Variants in DGKH observed in about 807,000 individuals in gnomAD.
DGKH encodes the protein diacylglycerol kinase eta.
A neutral mutation model predicts 159.3 loss-of-function variants in DGKH; 90 were observed. That is an observed-to-expected ratio of 0.57 (90% CI 0.48 to 0.67). The LOEUF (loss-of-function observed/expected upper bound fraction) is 0.67. Among genes scored for constraint, DGKH ranks in the 30% least tolerant of loss-of-function variants. DGKH has a pLI of 0.00. For missense variants in DGKH, 1,181 were observed against 1,506.1 expected, an observed-to-expected ratio of 0.78 and a Z score of 3.57; for synonymous variants, 536 against 553.8, an observed-to-expected ratio of 0.97 and a Z score of 0.45.
chr13:42,244,767 A>G (rs759440773), downstream of DGKH, among the ~76,000 whole-genome samples: 57 of 150,384 alleles, frequency 3.8e-4, no homozygotes, highest in South Asian at 6.3e-4. Flanking sequence ...AGCCGGGCGT[A>G]GTGGCGGGCG....
At position 42,138,560 on chromosome 13, in the gene DGKH, T is replaced by C. The variant is rs142978740; in HGVS notation, c.384+8928T>C. On this transcript the variant is annotated intron_variant, in intron 3 of 29. Coordinates refer to ENST00000337343, the MANE Select transcript of DGKH (RefSeq NM_178009.5). ...AGTGACATTTGTAAACTGTAGTGGG[T>C]TTTTTTGGACAAAAAGTATTAGGTC... is the stretch of plus-strand genomic sequence containing the variant. 1.5e-3 allele frequency among the ~76,000 whole-genome samples: 225 copies of C among 152,276 alleles called. 1 individual carries two copies. Among genetic ancestry groups the C allele is most frequent in the African/African-American group, 5.1e-3 (213 of 41,560 alleles).
chr13:42,184,903 A>G (rs933453785), intron 13 of DGKH, among the ~76,000 whole-genome samples: 22 of 151,834 alleles, frequency 1.4e-4, no homozygotes, highest in Non-Finnish European at 2.8e-4. Context: ...AAAAAGTTCT[A>G]ACATTGATTA....
At chr13:42,050,159 C>A (rs952363451) in intron 1 of DGKH, among the ~76,000 whole-genome samples, 4 of 152,010 alleles carry the variant, frequency 2.6e-5, no homozygotes, top group African/African-American at 9.7e-5. Flanking sequence ...TCACTTGAGG[C>A]CAGGAGTTCC....
intron 7 of DGKH, 30 bp from the exon 8 acceptor site, chr13:42,165,301 A>G: frequency 8.3e-7 from 1 of 1,208,962 alleles, no homozygotes; most frequent in Non-Finnish European, 1.2e-6. Flanking sequence ...TATTTTTATG[A>G]TTCTTGAAGG....
chr13:42,108,902 G>T (rs897961021), intron 1 of DGKH, among the ~76,000 whole-genome samples: 1 of 152,196 alleles, frequency 6.6e-6, no homozygotes, highest in African/African-American at 2.4e-5. Context: ...TTTTAAAGCG[G>T]TTTTGTCATA....
At position 42,219,610 on chromosome 13, in the gene DGKH, GT is replaced by G. The variant is rs367783504; in HGVS notation, c.3334-74del. The G allele has an allele frequency of 1.6e-3, 2,217 of 1,383,220 alleles. 20 individuals are homozygous for G. The Middle Eastern group carries it at 0.03, about 19-fold the overall frequency. The allele number at this position is 1,383,220 out of a possible 1,614,324, so 85.7% of individuals were successfully genotyped here. A position where few individuals can be genotyped will look rare whatever the true frequency, so the allele number is the denominator to read the frequency against. ...TTTAGTGTTTATAACTTATTCCTGT[GT>G]TATCCCTATTATCAGAGTAGGTTTT... On this transcript the variant is annotated intron_variant, in intron 27 of 29. Transcript: ENST00000337343.
chr13:42,145,331 T>C (rs1955698061), intron 3 of DGKH, among the ~76,000 whole-genome samples: 1 of 152,208 alleles, frequency 6.6e-6, no homozygotes, highest in South Asian at 2.1e-4. Context: ...GGTTGAGTGT[T>C]ATCTAGTTGG....
intron 1 of DGKH, among the ~76,000 whole-genome samples, chr13:42,057,673 A>T (rs1881864493): frequency 6.6e-6 from 1 of 152,172 alleles, no homozygotes; most frequent in Non-Finnish European, 1.5e-5. Flanking sequence ...GTACTGCTGT[A>T]GGTACCAGGG....
At chr13:42,061,205 G>A (rs1339400222) in intron 1 of DGKH, among the ~76,000 whole-genome samples, 1 of 152,126 alleles carries the variant, frequency 6.6e-6, no homozygotes, top group Non-Finnish European at 1.5e-5. Context: ...GTGGAAGGCT[G>A]GTTGCCCCAC....
chr13:42,041,053 C>A (rs890884531), intron 1 of DGKH, among the ~76,000 whole-genome samples: 2 of 151,946 alleles, frequency 1.3e-5, no homozygotes, highest in Non-Finnish European at 2.9e-5. Flanking sequence ...TGCTTCCCAG[C>A]CGGGTTAGCG....
intron 3 of DGKH, among the ~76,000 whole-genome samples, chr13:42,132,024 G>T (rs1263708315): frequency 6.6e-6 from 1 of 152,186 alleles, no homozygotes; most frequent in Non-Finnish European, 1.5e-5. Flanking sequence ...CTACTAGTAG[G>T]ATTAGCCACT....
intron 11 of DGKH, among the ~76,000 whole-genome samples, chr13:42,169,937 G>A (rs1460546993): frequency 1.3e-5 from 2 of 152,074 alleles, no homozygotes; most frequent in Admixed American, 6.5e-5. Flanking sequence ...AAGAGAAATG[G>A]TACCTATGGA....
chr13:42,212,758 A>T (rs919680422), intron 24 of DGKH, among the ~76,000 whole-genome samples: 14 of 152,202 alleles, frequency 9.2e-5, no homozygotes, highest in Admixed American at 5.9e-4. Context: ...GCCCTACTTA[A>T]TTGGCTCACA....
chr13:42,203,773 C>T (rs1957399197), intron 20 of DGKH, among the ~76,000 whole-genome samples: 1 of 152,076 alleles, frequency 6.6e-6, no homozygotes, highest in Admixed American at 6.6e-5. Flanking sequence ...TTCAAGACTG[C>T]AGTAAGCTGT....
intron 3 of DGKH, among the ~76,000 whole-genome samples, chr13:42,141,028 C>CCATTAACTCGTCATTTACATGAGGTATAT: frequency 1.9e-5 from 1 of 52,126 alleles, no homozygotes; most frequent in East Asian, 5.1e-4. Context: ...TGTGCTGAAC[C>CCATTAACTCGTCATTTACATGAGGTATAT]CTCCTAATGC....
At chr13:42,112,036 T>C (rs686810) in intron 1 of DGKH, among the ~76,000 whole-genome samples, 102,405 of 152,176 alleles carry the variant, frequency 0.67, 35,213 homozygotes, top group African/African-American at 0.81. Context: ...CCAGCACACA[T>C]TACACTGTGG....
intron 26 of DGKH, among the ~76,000 whole-genome samples, chr13:42,215,914 G>A (rs1957780436): frequency 6.6e-6 from 1 of 152,192 alleles, no homozygotes; most frequent in Non-Finnish European, 1.5e-5. Context: ...AGGCAGCCCT[G>A]CTCTGCCCCA....
chr13:42,135,318 G>A (rs552133925), intron 3 of DGKH, among the ~76,000 whole-genome samples: 1 of 151,548 alleles, frequency 6.6e-6, no homozygotes, highest in South Asian at 2.1e-4. Context: ...GGGCAAAATG[G>A]CGAAACCCCA....
chr13:42,195,494 T>C (rs549109853), intron 17 of DGKH, among the ~76,000 whole-genome samples: 4 of 152,270 alleles, frequency 2.6e-5, no homozygotes, highest in African/African-American at 9.6e-5. Flanking sequence ...AGAGTGAGAC[T>C]CTGTCTCAGA....
Sources: allele counts gnomAD v4.1 joint callset (sites outside exome capture counted in the v4.1 genomes callset), GRCh38; gene constraint gnomAD v4.1.1; transcripts MANE v1.5; gene names NCBI Gene and HGNC (gene_info 2026-07-23, HGNC 2026-07-21).